RNF115: variants seen among roughly 807,000 people sequenced by gnomAD.
RNF115 encodes the protein E3 ubiquitin-protein ligase RNF115.
A neutral mutation model predicts 39.2 loss-of-function variants in RNF115; 31 were observed. The ratio of observed to expected loss-of-function variants is 0.79; its 90% confidence interval spans 0.59 to 1.07. The LOEUF is 1.07. RNF115 is among the 50% of genes least tolerant of loss of function. The probability of loss-of-function intolerance (pLI) is 0.00; values close to 1 mark genes in which losing one functional copy is unlikely to be tolerated. For missense variants in RNF115, 384 were observed against 381.7 expected (o/e 1.01, Z -0.05); for synonymous variants, 124 against 131.0 (o/e 0.95, Z 0.37).
chr1:145,792,380 G>A (rs920248155), intron 1 of RNF115, among the ~76,000 whole-genome samples: 1 of 151,810 alleles, frequency 6.6e-6, no homozygotes, highest in East Asian at 1.9e-4. Flanking sequence ...ACCTAGACTG[G>A]AGTGCAGTGG....
rs1553715833 is a variant in RNF115, at chr1:145,771,918, A to G, written c.221T>C (p.Leu74Pro). Residue 74 changes from leucine to proline, a missense_variant and splice_region_variant, in exon 4 of 9, where the codon CTT becomes CCT. Transcript: ENST00000582693. ...DNTTTTHFAE[L>P]WGHLDHTMFF... is the part of the protein sequence containing the mutation. ...CATCGTGTGATCCAAATGGCCCCAA[A>G]GCTAGTAAAGACCAGAAATAAGTCA... The G allele has an allele frequency of 6.2e-7, 1 of 1,611,956 alleles. No individual in the cohort carries two copies. The highest frequency in any genetic ancestry group is 1.1e-5 in the South Asian group (1 of 90,544).
At chr1:145,783,802 C>A (rs980233516) in intron 3 of RNF115, among the ~76,000 whole-genome samples, 6 of 150,578 alleles carry the variant, frequency 4.0e-5, no homozygotes. Context: ...GAATTATACA[C>A]TTAAGAACAG....
At chr1:145,772,697 T>C (rs1647697229) in intron 3 of RNF115, 1 of 152,230 alleles carries the variant, frequency 6.6e-6, no homozygotes, top group African/African-American at 2.4e-5. Flanking sequence ...TTATAATGTG[T>C]CTTGTATGGA....
chr1:145,786,183 C>A (rs782043870), intron 2 of RNF115, among the ~76,000 whole-genome samples: 8 of 152,134 alleles, frequency 5.3e-5, no homozygotes, highest in Non-Finnish European at 1.0e-4. Flanking sequence ...ATAAAAACCA[C>A]CACATTGTTC....
chr1:145,796,891 A>C (rs1276945004), intron 1 of RNF115, among the ~76,000 whole-genome samples: 2 of 152,062 alleles, frequency 1.3e-5, no homozygotes, highest in African/African-American at 4.8e-5. Flanking sequence ...TGACACCAAC[A>C]ACCTAACTGT....
rs1381132363 is a variant in RNF115 at position 145,738,939 on chromosome 1, A to T, written c.*7927T>A. ...GAAAACAAGCAAAGATAGGTAGGACAGAAAGGAAGACAGCCAGATCCAGTG... is the reference window on the plus strand; with the variant it reads ...GAAAACAAGCAAAGATAGGTAGGACTGAAAGGAAGACAGCCAGATCCAGTG... On this transcript the variant is annotated 3_prime_UTR_variant, in exon 9 of 9. Coordinates refer to ENST00000582693, the MANE Select transcript of RNF115 (RefSeq NM_014455.4). The T allele has an allele frequency of 6.5e-6, 1 of 153,860 alleles. No individual in the cohort carries two copies. Among genetic ancestry groups the T allele is most frequent in the Non-Finnish European group, 1.5e-5 (1 of 68,670 alleles). The allele number at this position is 153,860 out of a possible 1,614,324, so 9.5% of individuals were successfully genotyped here.
intron 4 of RNF115, among the ~76,000 whole-genome samples, chr1:145,756,680 A>G (rs1290833510): frequency 6.6e-6 from 1 of 151,918 alleles, no homozygotes; most frequent in African/African-American, 2.4e-5. Flanking sequence ...TCTGAGGGAG[A>G]TCAATTCCAT....
chr1:145,814,444 G>A (rs71267168), intron 1 of RNF115, among the ~76,000 whole-genome samples: 23 of 151,878 alleles, frequency 1.5e-4, no homozygotes, highest in Admixed American at 5.2e-4. Context: ...TTAGCCAGGC[G>A]TGGTGGCAGG....
intron 2 of RNF115, chr1:145,787,140 G>C: frequency 1.6e-6 from 1 of 610,982 alleles, no homozygotes; most frequent in Non-Finnish European, 2.7e-6. Context: ...AGAGGCTTCA[G>C]ATTACAGATT....
intron 4 of RNF115, among the ~76,000 whole-genome samples, chr1:145,764,059 G>A (rs587716491): frequency 4.6e-5 from 7 of 152,256 alleles, no homozygotes; most frequent in South Asian, 4.1e-4. Context: ...TATTGCAGGC[G>A]CGCGCCACCA....
intron 1 of RNF115, among the ~76,000 whole-genome samples, chr1:145,822,060 C>T (rs375246094): frequency 2.9e-3 from 433 of 149,788 alleles, no homozygotes; most frequent in East Asian, 0.011. Flanking sequence ...GGAGCAGTGG[C>T]TCACGCCTGT....
At chr1:145,767,715 C>A (rs1553715207) in intron 4 of RNF115, among the ~76,000 whole-genome samples, 2 of 152,350 alleles carry the variant, frequency 1.3e-5, no homozygotes, top group Non-Finnish European at 1.5e-5. Flanking sequence ...CTCCGTCTGC[C>A]ATCCCGGCAC....
At chr1:145,817,915 G>A (rs1222478609) in intron 1 of RNF115, among the ~76,000 whole-genome samples, 3 of 119,080 alleles carry the variant, frequency 2.5e-5, no homozygotes, top group African/African-American at 3.7e-5. Flanking sequence ...TTGCTGCAAA[G>A]GACATGATTT....
intron 4 of RNF115, among the ~76,000 whole-genome samples, chr1:145,766,721 G>A (rs1324440679): frequency 2.3e-4 from 30 of 129,574 alleles, no homozygotes; most frequent in East Asian, 9.7e-4. Context: ...CGGGCAGAGG[G>A]GCTCCTCACT....
intron 1 of RNF115, among the ~76,000 whole-genome samples, chr1:145,806,097 C>G (rs1649447789): frequency 1.3e-5 from 2 of 152,094 alleles, no homozygotes; most frequent in Non-Finnish European, 2.9e-5. Flanking sequence ...ACTATAATCC[C>G]AGCACTTTGG....
At chr1:145,764,831 C>G (rs1419818701) in intron 4 of RNF115, among the ~76,000 whole-genome samples, 1 of 151,600 alleles carries the variant, frequency 6.6e-6, no homozygotes, top group African/African-American at 2.4e-5. Context: ...CCAGCCGCCC[C>G]GTCCGGGAGG....
At chr1:145,805,311 C>A (rs1163062267) in intron 1 of RNF115, among the ~76,000 whole-genome samples, 1 of 151,930 alleles carries the variant, frequency 6.6e-6, no homozygotes, top group Admixed American at 6.6e-5. Context: ...ATTAAGAAAA[C>A]AATTAATTAA....
intron 3 of RNF115, among the ~76,000 whole-genome samples, chr1:145,782,519 G>A (rs1197359787): frequency 2.6e-5 from 4 of 152,138 alleles, no homozygotes; most frequent in Non-Finnish European, 4.4e-5. Flanking sequence ...TAAAGAACAC[G>A]AAGTTACAAG....
Position 145,743,197 on chromosome 1 carries a change from G to T in RNF115, c.*3669C>A, listed in dbSNP as rs1167367066. ...GTTTTTGGAAGAGACTAACATTTCA[G>T]TCAGTAGACTGAATACAGCACATGG... On this transcript the variant is annotated 3_prime_UTR_variant, in exon 9 of 9. Coordinates refer to ENST00000582693, the MANE Select transcript of RNF115 (RefSeq NM_014455.4). The T allele has an allele frequency of 6.6e-6, 1 of 152,160 alleles. No individual in the cohort carries two copies. The highest frequency in any genetic ancestry group is 1.5e-5 in the Non-Finnish European group (1 of 68,056). 9.4% of individuals were successfully genotyped at this position (152,160 alleles called of 1,614,324 possible). A position where few individuals can be genotyped will look rare whatever the true frequency, so the allele number is the denominator to read the frequency against.
Sources: allele counts gnomAD v4.1 joint callset (sites outside exome capture counted in the v4.1 genomes callset), GRCh38; gene constraint gnomAD v4.1.1; transcripts MANE v1.5; gene names NCBI Gene and HGNC (gene_info 2026-07-23, HGNC 2026-07-21).